Variants in LDLRAD4 observed in about 807,000 individuals in gnomAD.
LDLRAD4 encodes low-density lipoprotein receptor class A domain-containing protein 4.
Under a neutral mutation model 17.0 loss-of-function variants are expected in LDLRAD4, and 5 were observed. That is an observed-to-expected ratio of 0.29 (90% CI 0.15 to 0.62). The LOEUF (loss-of-function observed/expected upper bound fraction) is 0.62. Among genes scored for constraint, LDLRAD4 ranks in the 20% least tolerant of loss-of-function variants. The pLI, the probability that LDLRAD4 is intolerant of heterozygous loss-of-function variation, is 0.84. For synonymous variants in LDLRAD4, 168 were observed against 171.8 expected (o/e 0.98, Z 0.17); for missense variants, 340 against 424.7 (o/e 0.80, Z 1.75).
intron 1 of LDLRAD4, among the ~76,000 whole-genome samples, chr18:13,368,239 A>G (rs2084212452): frequency 6.6e-6 from 1 of 152,124 alleles, no homozygotes; most frequent in Non-Finnish European, 1.5e-5. Context: ...GAGGGAGCCG[A>G]CAAGAAGCTG....
chr18:13,510,283 A>G (rs550780338), intron 3 of LDLRAD4, among the ~76,000 whole-genome samples: 52 of 152,252 alleles, frequency 3.4e-4, no homozygotes, highest in African/African-American at 1.2e-3. Flanking sequence ...TTTTGTGGGA[A>G]TGGGGACCTA....
chr18:13,326,463 C>T (rs575218424), intron 1 of LDLRAD4, among the ~76,000 whole-genome samples: 148 of 152,180 alleles, frequency 9.7e-4, no homozygotes, highest in Non-Finnish European at 1.7e-3. Context: ...TGTCTTTTTT[C>T]TGCACCTGGG....
exon 6 of LDLRAD4, chr18:13,650,115 ATGGAAAGCAC>A: frequency 7.5e-6 from 3 of 398,730 alleles, no homozygotes; most frequent in Non-Finnish European, 1.3e-5. Flanking sequence ...TGAACAGACA[ATGGAAAGCAC>A]TCTTAGCCTT....
chr18:13,407,789 T>G (rs2087905222), intron 2 of LDLRAD4, among the ~76,000 whole-genome samples: 1 of 152,242 alleles, frequency 6.6e-6, no homozygotes, highest in African/African-American at 2.4e-5. Flanking sequence ...ACCATTGCTT[T>G]TAATGACATA....
chr18:13,447,024 G>A (rs888871262), intron 3 of LDLRAD4, among the ~76,000 whole-genome samples: 1 of 152,200 alleles, frequency 6.6e-6, no homozygotes, highest in African/African-American at 2.4e-5. Context: ...GAGGGGCTCT[G>A]GGTTTCCACA....
At chr18:13,496,529 G>A (rs79570872) in intron 3 of LDLRAD4, among the ~76,000 whole-genome samples, 27 of 152,370 alleles carry the variant, frequency 1.8e-4, no homozygotes, top group African/African-American at 6.3e-4. Context: ...TGGAGAGGAA[G>A]AACGGAGGAG....
At chr18:13,442,810 C>T (rs192057645) in intron 3 of LDLRAD4, among the ~76,000 whole-genome samples, 4 of 152,310 alleles carry the variant, frequency 2.6e-5, no homozygotes, top group East Asian at 1.9e-4. Context: ...CCACGCCCTC[C>T]GAAAGCCTTG....
chr18:13,240,742 A>C (rs1399133677), intron 1 of LDLRAD4: 1 of 152,250 alleles, frequency 6.6e-6, no homozygotes, highest in Non-Finnish European at 1.5e-5. Context: ...TCCCCTGTTT[A>C]CTTTGATATT....
chr18:13,279,794 G>C (rs555863227), intron 1 of LDLRAD4: 1 of 152,236 alleles, frequency 6.6e-6, no homozygotes. Flanking sequence ...GCAGAACTGC[G>C]TGGCGCTTCA....
At chr18:13,563,484 G>T (rs9945992) in intron 3 of LDLRAD4, among the ~76,000 whole-genome samples, 1,804 of 152,298 alleles carry the variant, frequency 0.012, 47 homozygotes, top group African/African-American at 0.042. Context: ...AAGGAAGGAA[G>T]TGAAAGGGGG....
At chr18:13,323,835 T>C (rs1192259459) in intron 1 of LDLRAD4, among the ~76,000 whole-genome samples, 1 of 152,102 alleles carries the variant, frequency 6.6e-6, no homozygotes, top group Non-Finnish European at 1.5e-5. Context: ...CAAAAAGTCA[T>C]CAGAGTTATC....
chr18:13,259,878 C>G (rs932237965), intron 1 of LDLRAD4, among the ~76,000 whole-genome samples: 1 of 152,240 alleles, frequency 6.6e-6, no homozygotes, highest in Non-Finnish European at 1.5e-5. Flanking sequence ...GACCAGCCTT[C>G]GTGTCTCTTG....
At chr18:13,333,052 G>A (rs1193194873) in intron 1 of LDLRAD4, among the ~76,000 whole-genome samples, 1 of 152,144 alleles carries the variant, frequency 6.6e-6, no homozygotes, top group African/African-American at 2.4e-5. Flanking sequence ...TGAGAGTTCT[G>A]TTGCCCTACA....
intron 1 of LDLRAD4, among the ~76,000 whole-genome samples, chr18:13,344,670 G>A (rs2082577098): frequency 6.6e-6 from 1 of 152,116 alleles, no homozygotes; most frequent in African/African-American, 2.4e-5. Context: ...AATTACCTTG[G>A]GCAGTATGGC....
At chr18:13,262,485 C>T (rs374972979) in intron 1 of LDLRAD4, among the ~76,000 whole-genome samples, 23 of 95,890 alleles carry the variant, frequency 2.4e-4, no homozygotes, top group African/African-American at 5.4e-4. Flanking sequence ...GAGTCCCGTG[C>T]GGCCCTGTGC....
intron 1 of LDLRAD4, among the ~76,000 whole-genome samples, chr18:13,295,595 G>A (rs1444794989): frequency 6.6e-6 from 1 of 152,212 alleles, no homozygotes; most frequent in East Asian, 1.9e-4. Context: ...AGAATCAACT[G>A]GCACCTTGAA....
chr18:13,621,366 C>A lies in LDLRAD4; in HGVS notation c.336+95C>A. 1 of 963,362 alleles carries A rather than the reference C, an allele frequency of 1.0e-6. No individual in the cohort carries two copies. The highest frequency in any genetic ancestry group is 1.6e-6 in the Non-Finnish European group (1 of 620,456). 59.7% of individuals were successfully genotyped at this position (963,362 alleles called of 1,614,324 possible). On this transcript the variant is annotated intron_variant, in intron 4 of 5. Transcript: ENST00000359446. This position sits in a 1 kb window ranked among gnomAD's most constrained non-coding sequence, Gnocchi z 5.5. ...AGAGGCCGGGAGTGCTTTCAGTTGA[C>A]ATGTAACAAACGGGGCGAAGCGCAC... is the stretch of plus-strand genomic sequence containing the variant.
At chr18:13,650,439 A>ATT (rs2043196230) in exon 6 of LDLRAD4, 1 of 398,306 alleles carries the variant, frequency 2.5e-6, no homozygotes, top group South Asian at 1.3e-4. Context: ...ATCCGTGCAC[A>ATT]TTATATATAT....
At chr18:13,642,574 T>C in intron 4 of LDLRAD4, 1 of 1,228,510 alleles carries the variant, frequency 8.1e-7, no homozygotes, top group Non-Finnish European at 1.0e-6. Flanking sequence ...TGGAGGATCC[T>C]GAGCCCAGGC....
Sources: allele counts gnomAD v4.1 joint callset (sites outside exome capture counted in the v4.1 genomes callset), GRCh38; gene constraint gnomAD v4.1.1; non-coding constraint Gnocchi (gnomAD v3.1); transcripts MANE v1.5; gene names NCBI Gene and HGNC (gene_info 2026-07-23, HGNC 2026-07-21).